Variants in TMEM154 observed in about 807,000 individuals in gnomAD.
TMEM154 encodes transmembrane protein 154.
TMEM154 carries 27 observed loss-of-function variants against 24.5 expected under a neutral mutation model. The observed-to-expected ratio is 1.10, with a 90% CI of 0.81 to 1.52. The LOEUF (loss-of-function observed/expected upper bound fraction) is 1.52, where lower values mean the gene tolerates loss of function less well. Among genes scored for constraint, TMEM154 ranks in the 40% most tolerant of loss-of-function variants. TMEM154 has a pLI of 0.00. For synonymous variants in TMEM154, 67 were observed against 76.8 expected, an observed-to-expected ratio of 0.87 and a Z score of 0.67; for missense variants, 228 against 213.4, an observed-to-expected ratio of 1.07 and a Z score of -0.43.
intron 6 of TMEM154, among the ~76,000 whole-genome samples, chr4:152,638,100 C>A (rs998534203): frequency 1.3e-5 from 2 of 152,046 alleles, no homozygotes; most frequent in Non-Finnish European, 2.9e-5. Context: ...CCTGTCACCA[C>A]AATAAAGTAA....
At chr4:152,629,667 G>A (rs550302845) in intron 6 of TMEM154, among the ~76,000 whole-genome samples, 3 of 152,238 alleles carry the variant, frequency 2.0e-5, no homozygotes, top group Non-Finnish European at 2.9e-5. Flanking sequence ...GATAATGATC[G>A]ACAGATCTGG....
At chr4:152,646,609 C>T (rs1448256987) in intron 3 of TMEM154, 4 of 250,352 alleles carry the variant, frequency 1.6e-5, no homozygotes, top group African/African-American at 6.8e-5. Context: ...CCATCTCAAA[C>T]CCCTATTCCA....
chr4:152,675,361 C>T (rs2149791965), intron 1 of TMEM154, among the ~76,000 whole-genome samples: 1 of 152,234 alleles, frequency 6.6e-6, no homozygotes, highest in Admixed American at 6.5e-5. Flanking sequence ...GGTGAGGTGG[C>T]TCATGCCTGT....
intron 1 of TMEM154, chr4:152,669,303 G>A (rs1018213289): frequency 3.9e-5 from 6 of 152,120 alleles, no homozygotes; most frequent in African/African-American, 1.4e-4. Context: ...TATGATGTTA[G>A]TGATGAACCA....
intron 3 of TMEM154, chr4:152,646,885 T>C (rs758759490): frequency 4.3e-6 from 3 of 698,554 alleles, no homozygotes; most frequent in East Asian, 2.7e-5. Context: ...CCAGGCATCA[T>C]GTAGCCACAG....
chr4:152,626,114 TG>T lies in TMEM154; in HGVS notation c.*2431del, dbSNP rs1751913712. ...ACACCATTGGGTCAAGAGTCATGAATGGGTATTTTTACATATTTATTAAAAC... is the reference window on the plus strand; with the variant it reads ...ACACCATTGGGTCAAGAGTCATGAATGGTATTTTTACATATTTATTAAAAC... On this transcript the variant is annotated 3_prime_UTR_variant, in exon 7 of 7. Transcript: ENST00000304385. The T allele has an allele frequency of 6.6e-6, 1 of 152,612 alleles. No individual in the cohort carries two copies. 9.5% of individuals were successfully genotyped at this position (152,612 alleles called of 1,614,324 possible). A position where few individuals can be genotyped will look rare whatever the true frequency, so the allele number is the denominator to read the frequency against.
At chr4:152,635,220 A>G (rs746140189) in intron 6 of TMEM154, among the ~76,000 whole-genome samples, 1 of 152,194 alleles carries the variant, frequency 6.6e-6, no homozygotes, top group Non-Finnish European at 1.5e-5. Flanking sequence ...TTCACCGAGT[A>G]CTTTCCTGTA....
At chr4:152,637,092 G>T (rs559783172) in intron 6 of TMEM154, among the ~76,000 whole-genome samples, 1 of 152,330 alleles carries the variant, frequency 6.6e-6, no homozygotes, top group South Asian at 2.1e-4. Flanking sequence ...GGCTGTGCAT[G>T]TGTGAGGGCA....
intron 1 of TMEM154, among the ~76,000 whole-genome samples, chr4:152,656,161 T>C (rs1267284173): frequency 6.6e-6 from 1 of 152,118 alleles, no homozygotes; most frequent in African/African-American, 2.4e-5. Flanking sequence ...CTGCCAACAC[T>C]AGCATGGGTA....
intron 5 of TMEM154, among the ~76,000 whole-genome samples, chr4:152,641,728 A>G (rs186040913): frequency 1.1e-4 from 17 of 150,228 alleles, no homozygotes; most frequent in African/African-American, 2.9e-4. Context: ...AGCAACTGAA[A>G]AACAACAAAA....
chr4:152,620,480 A>C lies in TMEM154; in HGVS notation c.*8066T>G, dbSNP rs1751826584. Reference sequence around the variant, plus strand: ...CTTATCTCAGGCTATGCTCACCTTAAGGCATCCTTGACAATGACTGAAACT... The same window carrying C: ...CTTATCTCAGGCTATGCTCACCTTACGGCATCCTTGACAATGACTGAAACT... On this transcript the variant is annotated 3_prime_UTR_variant, in exon 7 of 7. Coordinates refer to ENST00000304385, the MANE Select transcript of TMEM154 (RefSeq NM_152680.3). The C allele has an allele frequency of 6.6e-6, 1 of 151,656 alleles. No homozygotes were observed. Among genetic ancestry groups the C allele is most frequent in the Non-Finnish European group, 1.5e-5 (1 of 68,070 alleles). The allele number at this position is 151,656 out of a possible 1,614,324, so 9.4% of individuals were successfully genotyped here.
In TMEM154 at chr4:152,661,983, C is replaced by T. The variant is rs533144235; in HGVS notation, c.65-9056G>A. On this transcript the variant is annotated intron_variant, in intron 1 of 6. Transcript: ENST00000304385. ...CAATTTATATACTTTCTGCCCCTTG[C>T]TTTTTTCACTTAAAATTTTATCTTG... Among the ~76,000 whole-genome samples, 87 of 152,304 alleles carry T rather than the reference C, an allele frequency of 5.7e-4. 1 individual carries two copies. In the South Asian group the frequency reaches 0.017, roughly 29 times the overall value.
chr4:152,640,269 G>A (rs575017159), intron 6 of TMEM154, among the ~76,000 whole-genome samples: 12 of 152,272 alleles, frequency 7.9e-5, no homozygotes, highest in African/African-American at 2.9e-4. Flanking sequence ...TCACAGCAGA[G>A]CTCTGCAGAG....
chr4:152,647,183 C>G, intron 3 of TMEM154: 1 of 981,764 alleles, frequency 1.0e-6, no homozygotes, highest in Non-Finnish European at 1.2e-6. Flanking sequence ...CCAGGCTCTA[C>G]CCAAGTGCAG....
chr4:152,644,429 A>C lies in TMEM154; in HGVS notation c.378T>G (p.Ser126Arg). Reference sequence around the variant, plus strand: ...GGAAAACTTACACTTTCACGTTTTCACTTCCCAGTTCATCTAAAAGGAAAT... The same window carrying C: ...GGAAAACTTACACTTTCACGTTTTCCCTTCCCAGTTCATCTAAAAGGAAAT... The part of the protein sequence containing the change: ...QSALQTYELG[S>R]ENVKVPIFEE... Residue 126 changes from serine to arginine, a missense_variant, in exon 4 of 7, where the codon AGT (serine) becomes AGG (arginine). Physicochemically the swap from Ser to Arg is moderately radical, Grantham distance 110 (BLOSUM62 -1). Coordinates refer to ENST00000304385, the MANE Select transcript of TMEM154 (RefSeq NM_152680.3). 6.2e-7 allele frequency: 1 copy of C among 1,614,208 alleles called. No individual in the cohort carries two copies. Among genetic ancestry groups the C allele is most frequent in the Non-Finnish European group, 8.5e-7 (1 of 1,180,040 alleles).
chr4:152,645,566 T>TC (rs1457664796), intron 3 of TMEM154, among the ~76,000 whole-genome samples: 24 of 152,168 alleles, frequency 1.6e-4, no homozygotes, highest in Non-Finnish European at 4.4e-5. Context: ...GCACCATTCA[T>TC]CATGTGAAAC....
At chr4:152,644,876 T>G (rs138552507) in intron 3 of TMEM154, among the ~76,000 whole-genome samples, 2 of 152,332 alleles carry the variant, frequency 1.3e-5, no homozygotes, top group Non-Finnish European at 2.9e-5. Context: ...GCCTCACTCC[T>G]GGTGGAGGAT....
At position 152,625,922 on chromosome 4, in the gene TMEM154, A is replaced by T. The variant is rs530183643; in HGVS notation, c.*2624T>A. ...AGCTTTTGGTTCTCCTGTATTATAC[A>T]GCATAACTAGGAGAAAAAAAAACTA... On this transcript the variant is annotated 3_prime_UTR_variant, in exon 7 of 7. Coordinates refer to ENST00000304385, the MANE Select transcript of TMEM154 (RefSeq NM_152680.3). 2 of 152,282 alleles carry T rather than the reference A, an allele frequency of 1.3e-5. No homozygotes were observed. The highest frequency in any genetic ancestry group is 3.9e-4 in the East Asian group (2 of 5,190). 9.4% of individuals were successfully genotyped at this position (152,282 alleles called of 1,614,324 possible). A position where few individuals can be genotyped will look rare whatever the true frequency, so the allele number is the denominator to read the frequency against.
chr4:152,644,744 G>A (rs756450041), intron 3 of TMEM154, among the ~76,000 whole-genome samples: 1 of 152,190 alleles, frequency 6.6e-6, no homozygotes, highest in Non-Finnish European at 1.5e-5. Flanking sequence ...CATTGGTAAG[G>A]AAAGGCAAGG....
Sources: allele counts gnomAD v4.1 joint callset (sites outside exome capture counted in the v4.1 genomes callset), GRCh38; gene constraint gnomAD v4.1.1; transcripts MANE v1.5; gene names NCBI Gene and HGNC (gene_info 2026-07-23, HGNC 2026-07-21).